GPC5: variants seen among roughly 807,000 people sequenced by gnomAD.
GPC5 encodes glypican-5.
In GPC5, 47 loss-of-function variants were observed where a neutral mutation model predicts 53.9. That is an observed-to-expected ratio of 0.87 (90% CI 0.69 to 1.11). GPC5 has a LOEUF of 1.11. Ranked by LOEUF, GPC5 falls within the 50% of genes most tolerant of loss-of-function variation. The probability of loss-of-function intolerance (pLI) is 0.00; values close to 1 mark genes in which losing one functional copy is unlikely to be tolerated. For synonymous variants in GPC5, 286 were observed against 263.3 expected (o/e 1.09, Z -0.84); for missense variants, 748 against 713.1 (o/e 1.05, Z -0.56).
rs557877999 is a variant in GPC5 at position 92,837,733 on chromosome 13, G to A, written c.1562-28549G>A. The stretch of plus-strand genomic sequence containing the variant: ...CGGTAGGAGGAACCCTGGATGGTCC[G>A]CCAAACTATTAACAGAAACTCTGGA... On this transcript the variant is annotated intron_variant, in intron 7 of 7. Coordinates refer to ENST00000377067, the MANE Select transcript of GPC5 (RefSeq NM_004466.6). Among the ~76,000 whole-genome samples, 3 of 152,198 alleles carry A rather than the reference G, an allele frequency of 2.0e-5. No homozygotes were observed. The East Asian group carries it at 5.8e-4, about 30-fold the overall frequency.
At chr13:91,857,012 T>C (rs2138903263) in intron 5 of GPC5, among the ~76,000 whole-genome samples, 1 of 151,404 alleles carries the variant, frequency 6.6e-6, no homozygotes, top group South Asian at 2.1e-4. Context: ...GAAAGATTTT[T>C]CTTTCCAATT....
At chr13:92,685,168 T>G (rs1445812218) in intron 7 of GPC5, among the ~76,000 whole-genome samples, 2 of 152,112 alleles carry the variant, frequency 1.3e-5, no homozygotes, top group Admixed American at 6.6e-5. Context: ...TCAGCTCAAC[T>G]GCAACCTCCA....
At chr13:91,740,886 G>A (rs1226952839) in intron 4 of GPC5, among the ~76,000 whole-genome samples, 2 of 152,110 alleles carry the variant, frequency 1.3e-5, no homozygotes, top group Non-Finnish European at 2.9e-5. Context: ...GTGATAATTA[G>A]CTGTACATTA....
chr13:92,153,219 G>A (rs550542359), intron 7 of GPC5, among the ~76,000 whole-genome samples: 9 of 152,134 alleles, frequency 5.9e-5, no homozygotes, highest in Non-Finnish European at 8.8e-5. Context: ...TGCAACTTCC[G>A]CCTCCTGGGT....
At position 91,907,975 on chromosome 13, in the gene GPC5, A is replaced by C. The variant is rs2039573095; in HGVS notation, c.1319A>C (p.Gln440Pro). 30 of 1,595,268 alleles carry C rather than the reference A, an allele frequency of 1.9e-5. No homozygotes were observed. The highest frequency in any genetic ancestry group is 2.5e-5 in the Non-Finnish European group (30 of 1,178,378). The change falls in exon 6 of 8, where the codon CAG (glutamine) becomes CCG (proline). Residue 440 changes from glutamine (Q) to proline (P), a missense_variant. Coordinates refer to ENST00000377067, the MANE Select transcript of GPC5 (RefSeq NM_004466.6). ...GTGGTTGGAAATGGAATCAAAGCCC[A>C]GTCTGGAAATCCTGAAGTCAAAGTC... is the stretch of plus-strand genomic sequence containing the variant. ...QRVVGNGIKA[Q>P]SGNPEVKVKG...
intron 7 of GPC5, among the ~76,000 whole-genome samples, chr13:92,594,208 T>C (rs762357349): frequency 6.6e-6 from 1 of 151,976 alleles, no homozygotes; most frequent in African/African-American, 2.4e-5. Flanking sequence ...GAGTGTGAAA[T>C]GGAACTAAAA....
At chr13:92,362,023 C>G (rs1445860819) in intron 7 of GPC5, among the ~76,000 whole-genome samples, 1 of 151,672 alleles carries the variant, frequency 6.6e-6, no homozygotes. Context: ...AGATTCATAT[C>G]AACCATGATA....
chr13:92,089,226 A>C (rs2041359263), intron 6 of GPC5, among the ~76,000 whole-genome samples: 1 of 152,186 alleles, frequency 6.6e-6, no homozygotes, highest in South Asian at 2.1e-4. Flanking sequence ...CGAGGTCAGG[A>C]GATGGAGACT....
At chr13:92,695,695 T>C (rs947845280) in intron 7 of GPC5, among the ~76,000 whole-genome samples, 1 of 151,426 alleles carries the variant, frequency 6.6e-6, no homozygotes, top group Non-Finnish European at 1.5e-5. Context: ...ATTAAAAATT[T>C]TATGAGTTTT....
At chr13:91,948,134 G>A (rs1332184836) in intron 6 of GPC5, among the ~76,000 whole-genome samples, 4 of 151,474 alleles carry the variant, frequency 2.6e-5, no homozygotes, top group Non-Finnish European at 4.4e-5. Flanking sequence ...AGGCTGAGGT[G>A]GGAGAATGGC....
At chr13:91,569,593 T>G (rs1356714388) in intron 2 of GPC5, among the ~76,000 whole-genome samples, 1 of 152,186 alleles carries the variant, frequency 6.6e-6, no homozygotes, top group Non-Finnish European at 1.5e-5. Context: ...AAGTAGAGTT[T>G]TAAATGTAAC....
chr13:92,366,830 A>C (rs2043611106), intron 7 of GPC5, among the ~76,000 whole-genome samples: 1 of 152,244 alleles, frequency 6.6e-6, no homozygotes, highest in Admixed American at 6.5e-5. Flanking sequence ...AGACATTGGC[A>C]TTAACACTTC....
intron 1 of GPC5, among the ~76,000 whole-genome samples, chr13:91,433,004 G>C (rs985215986): frequency 6.6e-6 from 1 of 152,076 alleles, no homozygotes; most frequent in Non-Finnish European, 1.5e-5. Context: ...TTTGTTCCAG[G>C]TACTGTGGTA....
At chr13:92,707,562 T>G (rs754974488) in intron 7 of GPC5, among the ~76,000 whole-genome samples, 4 of 152,006 alleles carry the variant, frequency 2.6e-5, no homozygotes, top group African/African-American at 9.7e-5. Context: ...TTACTAAGTT[T>G]AATTGAGAAA....
chr13:91,773,823 T>A (rs2037665833), intron 5 of GPC5, among the ~76,000 whole-genome samples: 2 of 152,204 alleles, frequency 1.3e-5, no homozygotes, highest in South Asian at 4.1e-4. Flanking sequence ...TCAAGATGCA[T>A]ACACAAACCT....
rs532136530 is a variant in GPC5, at chr13:92,062,552, T to C, written c.1402-82278T>C. On this transcript the variant is annotated intron_variant, in intron 6 of 7. Coordinates refer to ENST00000377067, the MANE Select transcript of GPC5 (RefSeq NM_004466.6). ...AGTTCAAGTTTTATTCTAATGAAAC[T>C]ATTATTATCTAAGATATTTCCCTTG... 7.2e-4 allele frequency among the ~76,000 whole-genome samples: 110 copies of C among 152,162 alleles called. 1 individual carries two copies. Among genetic ancestry groups the C allele is most frequent in the Non-Finnish European group, 5.3e-4 (36 of 67,946 alleles).
At position 92,264,876 on chromosome 13, in the gene GPC5, CTCTGTGTGTGTGTGTGTGTG is replaced by C. The variant is rs1485920641; in HGVS notation, c.1561+119889_1561+119908del. On this transcript the variant is annotated intron_variant, in intron 7 of 7. Transcript: ENST00000377067. ...AGGGTCTCTCTCTCTCTCTCTCTCT[CTCTGTGTGTGTGTGTGTGTG>C]TGTGTGTGTGTGTGTGTGTGTGTGT... Among the ~76,000 whole-genome samples, 82 of 119,334 alleles carry C rather than the reference CTCTGTGTGTGTGTGTGTGTG, an allele frequency of 6.9e-4. 1 individual carries two copies. The highest frequency in any genetic ancestry group is 2.4e-3 in the Admixed American group (28 of 11,640). 78.3% of individuals were successfully genotyped at this position (119,334 alleles called of 152,430 possible). A position where few individuals can be genotyped will look rare whatever the true frequency, so the allele number is the denominator to read the frequency against.
intron 2 of GPC5, among the ~76,000 whole-genome samples, chr13:91,674,045 A>G (rs145181538): frequency 1.3e-5 from 2 of 152,276 alleles, no homozygotes; most frequent in African/African-American, 4.8e-5. Flanking sequence ...CTTCAAATTA[A>G]TTTTTTAGAG....
chr13:91,866,559 C>T (rs1411682485), intron 5 of GPC5, among the ~76,000 whole-genome samples: 2 of 152,086 alleles, frequency 1.3e-5, no homozygotes, highest in Non-Finnish European at 2.9e-5. Context: ...TACTTCGGCT[C>T]CCCCTTTGCC....
Sources: allele counts gnomAD v4.1 joint callset (sites outside exome capture counted in the v4.1 genomes callset), GRCh38; gene constraint gnomAD v4.1.1; transcripts MANE v1.5; gene names NCBI Gene and HGNC (gene_info 2026-07-23, HGNC 2026-07-21).